Variants in RALGPS2 observed in about 807,000 individuals in gnomAD.
RALGPS2 encodes the protein Ral GEF with PH domain and SH3 binding motif 2.
RALGPS2 carries 43 observed loss-of-function variants against 86.8 expected under a neutral mutation model. That is an observed-to-expected ratio of 0.50 (90% confidence interval 0.39 to 0.64). The LOEUF (loss-of-function observed/expected upper bound fraction) is 0.64, where lower values mean the gene tolerates loss of function less well. RALGPS2 is among the 30% of genes least tolerant of loss of function. The pLI, the probability that RALGPS2 is intolerant of heterozygous loss-of-function variation, is 0.00. For missense variants in RALGPS2, 536 were observed against 694.6 expected, an observed-to-expected ratio of 0.77 and a Z score of 2.57; for synonymous variants, 243 against 231.3, an observed-to-expected ratio of 1.05 and a Z score of -0.46.
chr1:178,805,387 T>TAC, intron 4 of RALGPS2, among the ~76,000 whole-genome samples: 11 of 151,730 alleles, frequency 7.2e-5, no homozygotes. Flanking sequence ...GCCTGGGTTT[T>TAC]CTTCTAGGGT....
chr1:178,787,740 A>G (rs1572332320), intron 4 of RALGPS2, among the ~76,000 whole-genome samples: 2 of 152,006 alleles, frequency 1.3e-5, no homozygotes, highest in South Asian at 4.2e-4. Flanking sequence ...GATTTTTTTA[A>G]CCTCCTAAGT....
intron 10 of RALGPS2, among the ~76,000 whole-genome samples, chr1:178,880,457 C>G (rs1420727021): frequency 6.6e-6 from 1 of 152,154 alleles, no homozygotes; most frequent in Admixed American, 6.5e-5. Context: ...TACATGGTTA[C>G]TTACTTGAAA....
At chr1:178,791,739 A>G (rs1214725328) in intron 4 of RALGPS2, among the ~76,000 whole-genome samples, 1 of 152,192 alleles carries the variant, frequency 6.6e-6, no homozygotes. Flanking sequence ...TATGTCAAAC[A>G]GAATTTAGCT....
intron 6 of RALGPS2, among the ~76,000 whole-genome samples, chr1:178,820,622 A>G (rs963238203): frequency 2.6e-5 from 4 of 152,194 alleles, no homozygotes; most frequent in African/African-American, 9.7e-5. Flanking sequence ...TTCTAGAAAT[A>G]TGCAAATTGG....
At chr1:178,766,589 T>G (rs1010781362) in intron 1 of RALGPS2, among the ~76,000 whole-genome samples, 1 of 152,140 alleles carries the variant, frequency 6.6e-6, no homozygotes, top group Non-Finnish European at 1.5e-5. Context: ...CTCTTCTGGC[T>G]TGTAGGTTTT....
chr1:178,837,647 T>G (rs1656345298), intron 8 of RALGPS2, among the ~76,000 whole-genome samples: 2 of 152,088 alleles, frequency 1.3e-5, no homozygotes, highest in Admixed American at 1.3e-4. Context: ...CCAACTGAGG[T>G]ACCGGGTTCA....
chr1:178,886,135 T>C lies in RALGPS2; in HGVS notation c.1192+15T>C, dbSNP rs1659471912. The C allele has an allele frequency of 6.2e-7, 1 of 1,602,208 alleles. No homozygotes were observed. Among genetic ancestry groups the C allele is most frequent in the South Asian group, 1.1e-5 (1 of 87,778 alleles). ...AATATCAATAGGTGAGAAATACTTC[T>C]CTGAGAGGGTTGCAATTTAACTTTA... On this transcript the variant is annotated intron_variant, in intron 13 of 19. Transcript: ENST00000367635.
intron 19 of RALGPS2, among the ~76,000 whole-genome samples, chr1:178,909,059 C>A (rs1329883524): frequency 6.6e-6 from 1 of 152,130 alleles, no homozygotes; most frequent in Non-Finnish European, 1.5e-5. Context: ...AGTCTTTAAT[C>A]CATCTTGAGT....
intron 4 of RALGPS2, among the ~76,000 whole-genome samples, chr1:178,790,676 A>G (rs1270424560): frequency 2.6e-5 from 4 of 152,326 alleles, no homozygotes; most frequent in South Asian, 2.1e-4. Context: ...GTGTTGATAT[A>G]TACACTTTAA....
At chr1:178,846,573 T>C (rs1656876724) in intron 8 of RALGPS2, among the ~76,000 whole-genome samples, 1 of 152,196 alleles carries the variant, frequency 6.6e-6, no homozygotes, top group African/African-American at 2.4e-5. Context: ...GTTGATATGT[T>C]TTCTGAAGTT....
chr1:178,852,795 A>C (rs1394631090), intron 8 of RALGPS2: 3 of 1,613,814 alleles, frequency 1.9e-6, no homozygotes, highest in Admixed American at 1.7e-5. Flanking sequence ...TATAGAATTC[A>C]CTTTCAGGTT....
intron 4 of RALGPS2, among the ~76,000 whole-genome samples, chr1:178,798,939 AC>A (rs1466343945): frequency 1.3e-5 from 2 of 152,182 alleles, no homozygotes; most frequent in African/African-American, 4.8e-5. Flanking sequence ...TGTCAGGATA[AC>A]AGGAGAAGCA....
intron 10 of RALGPS2, among the ~76,000 whole-genome samples, chr1:178,882,321 C>T (rs1342125417): frequency 6.6e-6 from 1 of 152,168 alleles, no homozygotes; most frequent in South Asian, 2.1e-4. Flanking sequence ...ACAGGAATAC[C>T]GTGTCTGCCG....
At chr1:178,784,269 C>CT (rs1251011151) in intron 2 of RALGPS2, 149 bp from the exon 3 acceptor site, 11 of 450,332 alleles carry the variant, frequency 2.4e-5, no homozygotes, top group East Asian at 6.8e-5. Flanking sequence ...ATCTGGTACT[C>CT]TAACAACTAA....
intron 1 of RALGPS2, among the ~76,000 whole-genome samples, chr1:178,730,306 T>G (rs529124936): frequency 1.3e-5 from 2 of 152,324 alleles, no homozygotes; most frequent in East Asian, 1.9e-4. Flanking sequence ...CTGTGGTAGA[T>G]GAGTCTATGC....
At chr1:178,885,300 C>A in intron 12 of RALGPS2, 89 bp downstream of exon 12, 1 of 1,256,512 alleles carries the variant, frequency 8.0e-7, no homozygotes, top group African/African-American at 1.5e-5. Context: ...AAAATGGTAT[C>A]CTTGAATAGT....
At chr1:178,751,408 C>T (rs1335196603) in intron 1 of RALGPS2, among the ~76,000 whole-genome samples, 5 of 152,082 alleles carry the variant, frequency 3.3e-5, no homozygotes, top group African/African-American at 1.2e-4. Flanking sequence ...CAAATAGGGA[C>T]ACCTTTTTTC....
chr1:178,765,159 CT>C (rs536248138), intron 1 of RALGPS2, among the ~76,000 whole-genome samples: 677 of 143,088 alleles, frequency 4.7e-3, no homozygotes, highest in South Asian at 0.013. Flanking sequence ...TCAGGTATGT[CT>C]TTTTTTTTTT....
intron 4 of RALGPS2, among the ~76,000 whole-genome samples, chr1:178,792,479 A>G (rs1455597625): frequency 6.6e-6 from 1 of 152,170 alleles, no homozygotes; most frequent in Non-Finnish European, 1.5e-5. Context: ...ATAAAATGCT[A>G]TTACACGGCT....
Sources: gnomAD v4.1 joint callset for allele counts (sites outside exome capture counted in the v4.1 genomes callset) on GRCh38, gnomAD v4.1.1 for gene constraint, MANE v1.5 for transcripts, NCBI Gene and HGNC (gene_info 2026-07-23, HGNC 2026-07-21) for gene names.